STARD13: variants seen among roughly 807,000 people sequenced by gnomAD.
The protein encoded by STARD13 is stAR-related lipid transfer protein 13.
A neutral mutation model predicts 106.4 loss-of-function variants in STARD13; 62 were observed. That is an observed-to-expected ratio of 0.58 (90% CI 0.48 to 0.72). The LOEUF (loss-of-function observed/expected upper bound fraction) is 0.72. Ranked by LOEUF, STARD13 falls within the 30% of genes least tolerant of loss-of-function variation. The pLI is 0.00. For missense variants in STARD13, 1,387 were observed against 1,424.0 expected, an observed-to-expected ratio of 0.97 and a Z score of 0.42; for synonymous variants, 565 against 553.0, an observed-to-expected ratio of 1.02 and a Z score of -0.31.
chr13:33,139,918 T>C (rs1327134322), intron 4 of STARD13, among the ~76,000 whole-genome samples: 2 of 152,218 alleles, frequency 1.3e-5, no homozygotes, highest in Non-Finnish European at 2.9e-5. Context: ...GGAGACCACA[T>C]GTCAGCATTA....
intron 1 of STARD13, among the ~76,000 whole-genome samples, chr13:33,334,382 A>G (rs192559729): frequency 6.6e-6 from 1 of 152,362 alleles, no homozygotes; most frequent in East Asian, 1.9e-4. Flanking sequence ...ACTTGAAGCC[A>G]GATGAGACCC....
chr13:33,635,373 T>G, the STARD13 span, among the ~76,000 whole-genome samples: 1 of 152,194 alleles, frequency 6.6e-6, no homozygotes, highest in South Asian at 2.1e-4. Flanking sequence ...TAAAAACACT[T>G]AGCAGGCCGG....
At chr13:33,335,144 A>G (rs2077881003) in intron 1 of STARD13, 1 of 152,128 alleles carries the variant, frequency 6.6e-6, no homozygotes, top group Admixed American at 6.6e-5. Flanking sequence ...TCCTATCCTC[A>G]TTTGTCTCAT....
At chr13:33,459,850 T>G in the STARD13 span, among the ~76,000 whole-genome samples, 2 of 152,262 alleles carry the variant, frequency 1.3e-5, no homozygotes, top group African/African-American at 2.4e-5. Flanking sequence ...CTTGACACTT[T>G]CTTTTTCAGG....
the STARD13 span, among the ~76,000 whole-genome samples, chr13:33,614,269 C>CTGTGTGTGTGTGTG: frequency 5.9e-3 from 51 of 8,708 alleles, 1 homozygote; most frequent in Admixed American, 4.0e-3. Flanking sequence ...GATACATTCT[C>CTGTGTGTGTGTGTG]CGTGTGTGTG....
the STARD13 span, among the ~76,000 whole-genome samples, chr13:33,627,881 C>T: frequency 2.4e-4 from 37 of 151,972 alleles, no homozygotes; most frequent in Non-Finnish European, 4.7e-4. Context: ...AGATGAACAT[C>T]GAAGCTATTG....
At chr13:33,304,415 C>T (rs969417062) in intron 1 of STARD13, among the ~76,000 whole-genome samples, 1 of 152,042 alleles carries the variant, frequency 6.6e-6, no homozygotes, top group African/African-American at 2.4e-5. Flanking sequence ...ACATTAATTT[C>T]ATATAATTAA....
the STARD13 span, among the ~76,000 whole-genome samples, chr13:33,594,870 T>TG: frequency 7.3e-4 from 111 of 152,348 alleles, 1 homozygote; most frequent in African/African-American, 2.4e-3. Context: ...GAATAATACT[T>TG]GACTGTATGT....
rs561509776 is a variant in STARD13 at position 33,112,677 on chromosome 13, T to C, written c.2492+44A>G. The C allele has an allele frequency of 1.7e-5, 25 of 1,467,420 alleles. No individual in the cohort carries two copies. The East Asian group carries it at 3.9e-4, about 23-fold the overall frequency. The allele number at this position is 1,467,420 out of a possible 1,614,324, so 90.9% of individuals were successfully genotyped here. A position where few individuals can be genotyped will look rare whatever the true frequency, so the allele number is the denominator to read the frequency against. The stretch of plus-strand genomic sequence containing the variant: ...CATCCAGTCTTATGAACTGTGGGAA[T>C]GCCTGCTTTGGGATTACTGTTGTTA... On this transcript the variant is annotated intron_variant, in intron 9 of 13. Transcript: ENST00000336934.
the STARD13 span, among the ~76,000 whole-genome samples, chr13:33,560,338 C>T: frequency 2.0e-5 from 3 of 151,576 alleles, no homozygotes; most frequent in South Asian, 2.1e-4. Flanking sequence ...AAAAGTTAAA[C>T]TGTCCTTATA....
intron 12 of STARD13, among the ~76,000 whole-genome samples, chr13:33,108,687 C>T (rs762957339): frequency 1.6e-4 from 24 of 152,012 alleles, no homozygotes; most frequent in Admixed American, 9.2e-4. Flanking sequence ...GTGGGGTTGC[C>T]GGATGGATGG....
chr13:33,335,349 C>G (rs1566145397), intron 1 of STARD13: 1 of 152,266 alleles, frequency 6.6e-6, no homozygotes, highest in Non-Finnish European at 1.5e-5. Flanking sequence ...TCACAGCCAG[C>G]TCCCTCTGTG....
chr13:33,542,807 T>C, the STARD13 span, among the ~76,000 whole-genome samples: 1 of 152,182 alleles, frequency 6.6e-6, no homozygotes, highest in Non-Finnish European at 1.5e-5. Context: ...CGGCCCAGGC[T>C]CTGGCTCTCG....
At chr13:33,222,649 C>T (rs1888420160) in intron 1 of STARD13, among the ~76,000 whole-genome samples, 1 of 152,192 alleles carries the variant, frequency 6.6e-6, no homozygotes, top group Non-Finnish European at 1.5e-5. Flanking sequence ...CGACACACAT[C>T]ATGTCTACTT....
At chr13:33,360,646 T>C in the STARD13 span, among the ~76,000 whole-genome samples, 1 of 142,994 alleles carries the variant, frequency 7.0e-6, no homozygotes, top group South Asian at 2.2e-4. Context: ...TCCTTCTGTG[T>C]AGACAGAAGG....
At chr13:33,506,978 G>T in the STARD13 span, among the ~76,000 whole-genome samples, 1 of 152,114 alleles carries the variant, frequency 6.6e-6, no homozygotes, top group African/African-American at 2.4e-5. Flanking sequence ...GTATGTGCCT[G>T]TAGTCCCAGC....
At chr13:33,553,841 G>C in the STARD13 span, among the ~76,000 whole-genome samples, 1 of 152,110 alleles carries the variant, frequency 6.6e-6, no homozygotes, top group East Asian at 1.9e-4. Flanking sequence ...GCCTCCCAAA[G>C]TGCTGGGATT....
At chr13:33,515,816 A>T in the STARD13 span, among the ~76,000 whole-genome samples, 5 of 152,098 alleles carry the variant, frequency 3.3e-5, no homozygotes, top group African/African-American at 1.2e-4. Flanking sequence ...GGCTGTAGAG[A>T]TGGGTAGTAA....
chr13:33,460,724 A>T, the STARD13 span, among the ~76,000 whole-genome samples: 1 of 152,040 alleles, frequency 6.6e-6, no homozygotes, highest in African/African-American at 2.4e-5. Flanking sequence ...ATCATGTAGA[A>T]TCAACTCAAA....
Sources: gnomAD v4.1 joint callset for allele counts (sites outside exome capture counted in the v4.1 genomes callset) on GRCh38, gnomAD v4.1.1 for gene constraint, MANE v1.5 for transcripts, NCBI Gene and HGNC (gene_info 2026-07-23, HGNC 2026-07-21) for gene names.